Variants in SYT12 observed in about 807,000 individuals in gnomAD.
The protein encoded by SYT12 is synaptotagmin 12.
In SYT12, 27 loss-of-function variants were observed where a neutral mutation model predicts 39.5. The observed-to-expected ratio is 0.68, with a 90% CI of 0.50 to 0.94. The LOEUF is 0.94. SYT12 is among the 40% of genes least tolerant of loss of function. The pLI, the probability that SYT12 is intolerant of heterozygous loss-of-function variation, is 0.00. For missense variants in SYT12, 536 were observed against 572.6 expected, an observed-to-expected ratio of 0.94 and a Z score of 0.65; for synonymous variants, 233 against 239.7, an observed-to-expected ratio of 0.97 and a Z score of 0.26.
chr11:67,044,551 C>A (rs745642175), intron 5 of SYT12, 42 bp from the exon 6 acceptor site: 3 of 1,600,334 alleles, frequency 1.9e-6, no homozygotes, highest in Non-Finnish European at 8.5e-7. Context: ...CCCCTCAAGT[C>A]GGGTGGGGAG....
intron 3 of SYT12, among the ~76,000 whole-genome samples, chr11:67,035,755 CCCTT>C (rs920965209): frequency 2.6e-5 from 4 of 151,246 alleles, no homozygotes; most frequent in African/African-American, 9.8e-5. Flanking sequence ...CCGCGCCCGG[CCCTT>C]CCTTTCTTTC....
chr11:67,029,924 C>T (rs1289686007), intron 1 of SYT12, 198 bp from the exon 2 acceptor site: 1 of 524,146 alleles, frequency 1.9e-6, no homozygotes, highest in Admixed American at 3.6e-5. Flanking sequence ...ATCTGGCAAT[C>T]CTGAGAAGAG....
At chr11:67,036,789 A>C (rs1950390075) in intron 3 of SYT12, among the ~76,000 whole-genome samples, 1 of 151,870 alleles carries the variant, frequency 6.6e-6, no homozygotes, top group African/African-American at 2.4e-5. Flanking sequence ...AAATACAAAA[A>C]TTGACCGGGC....
intron 3 of SYT12, among the ~76,000 whole-genome samples, chr11:67,017,714 C>CT (rs1950069130): frequency 6.6e-6 from 1 of 150,798 alleles, no homozygotes; most frequent in Non-Finnish European, 1.5e-5. Context: ...AATCCCAGCA[C>CT]TTTGGGAGGC....
At chr11:67,021,046 T>C (rs1950104811), upstream of SYT12, among the ~76,000 whole-genome samples, 1 of 152,134 alleles carries the variant, frequency 6.6e-6, no homozygotes, top group Non-Finnish European at 1.5e-5. Flanking sequence ...CTTTCATTAG[T>C]GGTTGTAGTT....
At position 67,039,943 on chromosome 11, in the gene SYT12, G is replaced by C; in HGVS notation, c.361G>C (p.Asp121His). Residue 121 changes from aspartate (D) to histidine (H), a missense_variant, in exon 4 of 8, where the codon GAC becomes CAC. Transcript: ENST00000527043. ...TCTGGAGCTGATGGGCCGGGAGTTG[G>C]ACCTGGCCCCCTATGGGACCCTCCG... Reference protein sequence around the residue: ...GPLELMGRELDLAPYGTLRKS... With the variant: ...GPLELMGRELHLAPYGTLRKS... 1 of 1,613,792 alleles carries C rather than the reference G, an allele frequency of 6.2e-7. No individual in the cohort carries two copies. The highest frequency in any genetic ancestry group is 8.5e-7 in the Non-Finnish European group (1 of 1,180,032).
intron 1 of SYT12, chr11:67,027,914 G>A (rs1950204082): frequency 6.6e-6 from 1 of 152,234 alleles, no homozygotes. Context: ...GTGTACATTA[G>A]CATGTGTTTC....
intron 1 of SYT12, among the ~76,000 whole-genome samples, chr11:67,009,132 A>G (rs933886024): frequency 6.6e-6 from 1 of 152,120 alleles, no homozygotes; most frequent in Non-Finnish European, 1.5e-5. Context: ...CAGCCTCCCG[A>G]GTAGCTGAGA....
At chr11:67,010,306 C>A (rs1453284996) in intron 2 of SYT12, among the ~76,000 whole-genome samples, 1 of 152,216 alleles carries the variant, frequency 6.6e-6, no homozygotes, top group Non-Finnish European at 1.5e-5. Flanking sequence ...CTCCCAGACT[C>A]CCTCATGGTG....
chr11:67,035,792 TCCTTCCTTCCTTC>T (rs1950355557), intron 3 of SYT12, among the ~76,000 whole-genome samples: 8 of 43,246 alleles, frequency 1.8e-4, no homozygotes, highest in African/African-American at 5.6e-4. Flanking sequence ...TTCTTTTCTT[TCCTTCCTTCCTTC>T]CTTCCTTCCT....
rs775218023 is a variant in SYT12 at position 67,044,636 on chromosome 11, T to C, written c.881T>C (p.Leu294Pro). 2 of 1,613,306 alleles carry C rather than the reference T, an allele frequency of 1.2e-6. No individual in the cohort carries two copies. The highest frequency in any genetic ancestry group is 1.7e-6 in the Non-Finnish European group (2 of 1,179,892). ...GAGATCCTGCTCTCCCTCAGCTACC[T>C]CCCCACAGCCGAGCGCCTCACCGTG... ...VGEILLSLSYLPTAERLTVVV... is the reference protein window; with the variant it reads ...VGEILLSLSYPPTAERLTVVV... The change falls in exon 6 of 8, where the codon CTC becomes CCC. Residue 294 changes from leucine (L) to proline (P), a missense_variant. Coordinates refer to ENST00000527043, the MANE Select transcript of SYT12 (RefSeq NM_177963.4).
intron 3 of SYT12, among the ~76,000 whole-genome samples, chr11:67,035,526 C>T (rs111274886): frequency 0.1 from 14,748 of 143,796 alleles, 896 homozygotes; most frequent in African/African-American, 0.16. Flanking sequence ...GGGGCAATCT[C>T]GGCTCACTGC....
intron 1 of SYT12, chr11:67,027,433 G>A (rs1264707173): frequency 6.7e-6 from 1 of 148,150 alleles, no homozygotes; most frequent in Non-Finnish European, 1.5e-5. Flanking sequence ...CCAGGAGGCA[G>A]AGGTTGCAGT....
intron 3 of SYT12, among the ~76,000 whole-genome samples, chr11:67,036,343 G>C (rs370366183): frequency 1.3e-5 from 2 of 152,222 alleles, no homozygotes; most frequent in African/African-American, 4.8e-5. Context: ...TAAATGTCAT[G>C]ATAAATAATG....
upstream of SYT12, among the ~76,000 whole-genome samples, chr11:67,020,071 G>T (rs1279544827): frequency 6.6e-6 from 1 of 152,064 alleles, no homozygotes; most frequent in East Asian, 1.9e-4. Context: ...CCTCAGGGTG[G>T]GGCCTCCCCT....
intron 2 of SYT12, chr11:67,030,423 T>G (rs552405742): frequency 2.9e-5 from 15 of 512,030 alleles, no homozygotes; most frequent in Non-Finnish European, 5.2e-5. Context: ...CTTTCTCTCT[T>G]TCACTTGAAA....
chr11:67,013,143 C>A (rs1402256441), intron 3 of SYT12, among the ~76,000 whole-genome samples: 2 of 152,200 alleles, frequency 1.3e-5, no homozygotes, highest in Non-Finnish European at 2.9e-5. Context: ...GCAGCTCAGC[C>A]AGGCAATATG....
intron 2 of SYT12, chr11:67,030,421 C>A: frequency 3.9e-6 from 2 of 516,516 alleles, no homozygotes; most frequent in South Asian, 2.7e-5. Flanking sequence ...GACTTTCTCT[C>A]TTTCACTTGA....
intron 7 of SYT12, among the ~76,000 whole-genome samples, chr11:67,046,220 G>A (rs1327240188): frequency 6.6e-6 from 1 of 152,128 alleles, no homozygotes; most frequent in African/African-American, 2.4e-5. Context: ...GCTGGGGTGA[G>A]CCAGGCACCC....
Sources: gnomAD v4.1 joint callset for allele counts (sites outside exome capture counted in the v4.1 genomes callset) on GRCh38, gnomAD v4.1.1 for gene constraint, MANE v1.5 for transcripts, NCBI Gene and HGNC (gene_info 2026-07-23, HGNC 2026-07-21) for gene names.